SCYL2: variants seen among roughly 807,000 people sequenced by gnomAD.
The protein encoded by SCYL2 is SCY1 like pseudokinase 2.
In SCYL2, 36 loss-of-function variants were observed where a neutral mutation model predicts 100.4. That is an observed-to-expected ratio of 0.36 (90% CI 0.27 to 0.47). The LOEUF (loss-of-function observed/expected upper bound fraction) is 0.47, where lower values mean the gene tolerates loss of function less well. SCYL2 is among the 20% of genes least tolerant of loss of function. SCYL2 has a pLI of 1.00. For missense variants in SCYL2, 902 were observed against 1,083.9 expected, an observed-to-expected ratio of 0.83 and a Z score of 2.36; for synonymous variants, 330 against 359.2, an observed-to-expected ratio of 0.92 and a Z score of 0.92.
At chr12:100,276,256 T>C (rs1032408695) in intron 1 of SCYL2, among the ~76,000 whole-genome samples, 1 of 152,214 alleles carries the variant, frequency 6.6e-6, no homozygotes, top group Non-Finnish European at 1.5e-5. Context: ...CCTATTCATT[T>C]AGAAGCTTTA....
Position 100,335,833 on chromosome 12 carries a change from A to AC in SCYL2, c.1953dup (p.Ile652HisfsTer10). ...CAGCAAATTGACAAAGTTTTTAACA[A>AC]CATTGGAGCAGACCTTCTGACTGGC... On this transcript the variant is annotated frameshift_variant, in exon 16 of 18. Transcript: ENST00000360820. LOFTEE classifies it high-confidence loss of function. 1 of 1,613,308 alleles carries AC rather than the reference A, an allele frequency of 6.2e-7. No homozygotes were observed. Among genetic ancestry groups the AC allele is most frequent in the Non-Finnish European group, 8.5e-7 (1 of 1,179,410 alleles).
chr12:100,284,446 C>T (rs1305116045), intron 2 of SCYL2, among the ~76,000 whole-genome samples: 1 of 152,132 alleles, frequency 6.6e-6, no homozygotes, highest in Non-Finnish European at 1.5e-5. Context: ...TCTTTTTTGC[C>T]TCCTTCAACT....
At chr12:100,333,105 T>G (rs1042632638) in intron 13 of SCYL2, among the ~76,000 whole-genome samples, 1 of 152,106 alleles carries the variant, frequency 6.6e-6, no homozygotes, top group Non-Finnish European at 1.5e-5. Context: ...CTGTGCACTT[T>G]GACATGTAGA....
At chr12:100,279,723 A>G (rs1402089479) in intron 1 of SCYL2, among the ~76,000 whole-genome samples, 1 of 152,196 alleles carries the variant, frequency 6.6e-6, no homozygotes, top group African/African-American at 2.4e-5. Flanking sequence ...TGATTGTCTT[A>G]GTGGTCAGTG....
chr12:100,332,977 A>T (rs1300328840), intron 13 of SCYL2, among the ~76,000 whole-genome samples: 1 of 151,974 alleles, frequency 6.6e-6, no homozygotes, highest in African/African-American at 2.4e-5. Flanking sequence ...TGGCTTCCCA[A>T]AGTGCTGGGA....
intron 11 of SCYL2, among the ~76,000 whole-genome samples, chr12:100,324,799 A>G (rs1347867679): frequency 2.6e-5 from 4 of 152,230 alleles, no homozygotes; most frequent in East Asian, 1.9e-4. Context: ...CAATTTTACA[A>G]TTGAATTTTT....
rs202048587 is a variant in SCYL2 at position 100,281,019 on chromosome 12, GTTTTTTTTTTT to G, written c.-28-1905_-28-1895del. On this transcript the variant is annotated intron_variant, in intron 1 of 17. Transcript: ENST00000360820. ...ATTTTATTGTCCCTTTACCATCAGTGTTTTTTTTTTTTTTTTTTTTTTTTTTTTTGAGATAG... is the reference window on the plus strand; with the variant it reads ...ATTTTATTGTCCCTTTACCATCAGTGTTTTTTTTTTTTTTTTTTGAGATAG... Among the ~76,000 whole-genome samples the G allele has an allele frequency of 7.1e-4, 36 of 50,490 alleles. No homozygotes were observed. The East Asian group carries it at 9.9e-3, about 14-fold the overall frequency. The allele number at this position is 50,490 out of a possible 152,430, so 33.1% of individuals were successfully genotyped here. A position where few individuals can be genotyped will look rare whatever the true frequency, so the allele number is the denominator to read the frequency against.
At chr12:100,294,023 C>G (rs879926462) in intron 3 of SCYL2, among the ~76,000 whole-genome samples, 7 of 151,386 alleles carry the variant, frequency 4.6e-5, no homozygotes, top group African/African-American at 1.5e-4. Flanking sequence ...CATCCTGGCC[C>G]GTTCTCAATG....
rs1281069279 is a variant in SCYL2 at position 100,294,099 on chromosome 12, G to A, written c.335+2439G>A. Among the ~76,000 whole-genome samples, 6 of 149,726 alleles carry A rather than the reference G, an allele frequency of 4.0e-5. No individual in the cohort carries two copies. In the South Asian group the frequency reaches 1.1e-3, roughly 26 times the overall value. ...AGAGGGGCTCCTCACTTCCCAGTAG[G>A]GGCGGCCGGGCAGAGGCGCCCCTCA... is the stretch of plus-strand genomic sequence containing the variant. On this transcript the variant is annotated intron_variant, in intron 3 of 17. Transcript: ENST00000360820.
At chr12:100,305,697 T>C (rs1372697815) in intron 4 of SCYL2, among the ~76,000 whole-genome samples, 1 of 124,362 alleles carries the variant, frequency 8.0e-6, no homozygotes, top group Non-Finnish European at 1.7e-5. Flanking sequence ...TAAAAATAAA[T>C]CAGTGAATCT....
chr12:100,301,491 G>C (rs115299932), intron 4 of SCYL2, among the ~76,000 whole-genome samples: 6,329 of 152,218 alleles, frequency 0.042, 474 homozygotes, highest in African/African-American at 0.14. Flanking sequence ...TGTGCGCAAG[G>C]CTTTTAACTT....
At chr12:100,309,133 T>G (rs10161355) in intron 4 of SCYL2, among the ~76,000 whole-genome samples, 1 of 150,016 alleles carries the variant, frequency 6.7e-6, no homozygotes, top group African/African-American at 2.5e-5. Flanking sequence ...TGTGTGTGTG[T>G]GCGCGCGCGT....
chr12:100,341,127 C>T lies in SCYL2; in HGVS notation c.*1955C>T, dbSNP rs924191567. 1 of 151,954 alleles carries T rather than the reference C, an allele frequency of 6.6e-6. No individual in the cohort carries two copies. Among genetic ancestry groups the T allele is most frequent in the African/African-American group, 2.4e-5 (1 of 41,406 alleles). 9.4% of individuals were successfully genotyped at this position (151,954 alleles called of 1,614,324 possible). A position where few individuals can be genotyped will look rare whatever the true frequency, so the allele number is the denominator to read the frequency against. On this transcript the variant is annotated 3_prime_UTR_variant, in exon 18 of 18. Coordinates refer to ENST00000360820, the MANE Select transcript of SCYL2 (RefSeq NM_017988.6). ...ATACAGTATGTAAAATTTGTTCATT[C>T]GTTGAGGTAATGGTGCTATGTTTTT...
intron 1 of SCYL2, among the ~76,000 whole-genome samples, chr12:100,281,287 C>T (rs2096298121): frequency 6.6e-6 from 1 of 152,026 alleles, no homozygotes; most frequent in African/African-American, 2.4e-5. Flanking sequence ...CATCAGCCTC[C>T]TAAAGTGCTG....
At chr12:100,272,904 C>T (rs928044776) in intron 1 of SCYL2, among the ~76,000 whole-genome samples, 12 of 152,126 alleles carry the variant, frequency 7.9e-5, no homozygotes, top group African/African-American at 2.9e-4. Flanking sequence ...AAATAAATAT[C>T]TGTATAACTA....
intron 13 of SCYL2, among the ~76,000 whole-genome samples, chr12:100,329,650 A>G (rs1952183877): frequency 6.6e-6 from 1 of 152,192 alleles, no homozygotes; most frequent in South Asian, 2.1e-4. Context: ...AAATCACCAC[A>G]AACTTAAGGG....
intron 2 of SCYL2, among the ~76,000 whole-genome samples, chr12:100,289,658 A>G (rs2096308315): frequency 6.6e-6 from 1 of 152,126 alleles, no homozygotes; most frequent in Non-Finnish European, 1.5e-5. Flanking sequence ...CATTCCTTTT[A>G]TGACTGTGGT....
intron 1 of SCYL2, among the ~76,000 whole-genome samples, chr12:100,280,704 G>A (rs183322587): frequency 6.6e-6 from 1 of 152,222 alleles, no homozygotes; most frequent in East Asian, 1.9e-4. Context: ...CAGTGATATG[G>A]TGCTTAAAGG....
intron 4 of SCYL2, among the ~76,000 whole-genome samples, chr12:100,307,058 GGCCATACT>G (rs2096335390): frequency 6.6e-6 from 1 of 152,146 alleles, no homozygotes; most frequent in Admixed American, 6.5e-5. Context: ...TTGTGAAAAT[GGCCATACT>G]GCCTAAAGTA....
Sources: allele counts gnomAD v4.1 joint callset (sites outside exome capture counted in the v4.1 genomes callset), GRCh38; gene constraint gnomAD v4.1.1; transcripts MANE v1.5; gene names NCBI Gene and HGNC (gene_info 2026-07-23, HGNC 2026-07-21).